Variants in PLEKHA5 observed in about 807,000 individuals in gnomAD.
The protein encoded by PLEKHA5 is pleckstrin homology domain-containing family A member 5.
A neutral mutation model predicts 181.9 loss-of-function variants in PLEKHA5; 55 were observed. That is an observed-to-expected ratio of 0.30 (90% CI 0.24 to 0.38). The LOEUF (loss-of-function observed/expected upper bound fraction) is 0.38. PLEKHA5 is among the 10% of genes least tolerant of loss of function. The probability of loss-of-function intolerance (pLI) is 1.00; values close to 1 mark genes in which losing one functional copy is unlikely to be tolerated. For synonymous variants in PLEKHA5, 535 were observed against 529.4 expected, an observed-to-expected ratio of 1.01 and a Z score of -0.15; for missense variants, 1,432 against 1,549.5, an observed-to-expected ratio of 0.92 and a Z score of 1.27.
rs537117378 is a variant in PLEKHA5 at position 19,309,575 on chromosome 12, G to A, written c.2038-5239G>A. Among the ~76,000 whole-genome samples the A allele has an allele frequency of 3.9e-5, 6 of 152,056 alleles. No individual in the cohort carries two copies. The South Asian group carries it at 1.2e-3, about 32-fold the overall frequency. On this transcript the variant is annotated intron_variant, in intron 15 of 31. Coordinates refer to ENST00000429027, the MANE Select transcript of PLEKHA5 (RefSeq NM_001256470.2). Reference sequence around the variant, plus strand: ...GATCGAGATCAGCCTGGCCAACATGGTGAAACCCCGTCTTTACTAAAAATA... The same window carrying A: ...GATCGAGATCAGCCTGGCCAACATGATGAAACCCCGTCTTTACTAAAAATA...
At chr12:19,209,203 A>T (rs910197831) in intron 3 of PLEKHA5, among the ~76,000 whole-genome samples, 1 of 152,138 alleles carries the variant, frequency 6.6e-6, no homozygotes, top group Non-Finnish European at 1.5e-5. Flanking sequence ...TAAACATCAA[A>T]TTTATGGTAA....
chr12:19,311,392 G>A (rs932395033), intron 15 of PLEKHA5, among the ~76,000 whole-genome samples: 12 of 151,082 alleles, frequency 7.9e-5, no homozygotes, highest in South Asian at 2.1e-4. Context: ...GCAGTGAGCT[G>A]TGATTACTCC....
intron 3 of PLEKHA5, among the ~76,000 whole-genome samples, chr12:19,229,027 G>A (rs2060069159): frequency 6.6e-6 from 1 of 152,160 alleles, no homozygotes; most frequent in Non-Finnish European, 1.5e-5. Flanking sequence ...TACAAATGAA[G>A]TGTAAAAACA....
At chr12:19,346,636 A>G (rs1199398705) in intron 23 of PLEKHA5, among the ~76,000 whole-genome samples, 2 of 152,122 alleles carry the variant, frequency 1.3e-5, no homozygotes, top group African/African-American at 4.8e-5. Flanking sequence ...TACCAAATAA[A>G]TAAATAAGAT....
intron 3 of PLEKHA5, chr12:19,200,207 C>T (rs2053873164): frequency 1.5e-6 from 1 of 683,832 alleles, no homozygotes; most frequent in South Asian, 1.9e-5. Context: ...TTGATCATTA[C>T]ACTTTCCATG....
At chr12:19,369,903 TAGGGATA>T in intron 31 of PLEKHA5, 105 bp downstream of exon 31, 1 of 500,456 alleles carries the variant, frequency 2.0e-6, no homozygotes, top group African/African-American at 2.0e-5. Context: ...GGACTGTACA[TAGGGATA>T]GTTGGCAGAA....
intron 31 of PLEKHA5, among the ~76,000 whole-genome samples, chr12:19,373,967 A>G (rs1417814460): frequency 1.3e-5 from 2 of 152,286 alleles, no homozygotes; most frequent in East Asian, 1.9e-4. Flanking sequence ...GAGCAGTGGC[A>G]TACTGTAATG....
At chr12:19,160,109 T>C (rs1260025111) in intron 3 of PLEKHA5, among the ~76,000 whole-genome samples, 1 of 152,150 alleles carries the variant, frequency 6.6e-6, no homozygotes, top group Non-Finnish European at 1.5e-5. Flanking sequence ...TTTACACTGT[T>C]AAATCTATTT....
intron 3 of PLEKHA5, among the ~76,000 whole-genome samples, chr12:19,195,112 G>T (rs1014424816): frequency 6.6e-5 from 10 of 151,956 alleles, no homozygotes; most frequent in Non-Finnish European, 1.5e-4. Context: ...TTCAGTAAAC[G>T]AAACCTCTGA....
At chr12:19,297,218 G>A (rs1301125654) in intron 15 of PLEKHA5, among the ~76,000 whole-genome samples, 2 of 152,086 alleles carry the variant, frequency 1.3e-5, no homozygotes, top group South Asian at 2.1e-4. Flanking sequence ...TTCTACTGCA[G>A]TAACCAGCCT....
intron 3 of PLEKHA5, among the ~76,000 whole-genome samples, chr12:19,198,839 T>G (rs1185380367): frequency 2.6e-5 from 4 of 152,190 alleles, no homozygotes; most frequent in African/African-American, 9.6e-5. Context: ...GCAGGAATAG[T>G]TATCCCCATT....
At chr12:19,195,769 G>GAT (rs148896450) in intron 3 of PLEKHA5, among the ~76,000 whole-genome samples, 27 of 149,020 alleles carry the variant, frequency 1.8e-4, no homozygotes, top group South Asian at 6.4e-4. Context: ...ATATCTATGA[G>GAT]ATATATATAT....
intron 3 of PLEKHA5, among the ~76,000 whole-genome samples, chr12:19,209,543 A>G (rs1046738506): frequency 9.2e-5 from 14 of 152,222 alleles, no homozygotes; most frequent in Non-Finnish European, 1.8e-4. Context: ...TGTTGCACCC[A>G]GATTAGCTCC....
At chr12:19,233,767 A>G (rs375218634) in intron 3 of PLEKHA5, among the ~76,000 whole-genome samples, 3 of 152,332 alleles carry the variant, frequency 2.0e-5, no homozygotes, top group South Asian at 2.1e-4. Flanking sequence ...GGTGGAGAGT[A>G]CTTTGGAGGC....
chr12:19,347,962 A>T (rs2094421503), intron 24 of PLEKHA5, among the ~76,000 whole-genome samples: 1 of 149,720 alleles, frequency 6.7e-6, no homozygotes, highest in South Asian at 2.1e-4. Flanking sequence ...AGCTCACTGC[A>T]AGCTCCGCCT....
At chr12:19,304,756 CT>C (rs112010862) in intron 15 of PLEKHA5, among the ~76,000 whole-genome samples, 8,940 of 143,380 alleles carry the variant, frequency 0.062, 409 homozygotes, top group East Asian at 0.19. Context: ...GGCCGGGGGG[CT>C]TTTTTTTTTT....
At chr12:19,234,038 A>C (rs915537914) in intron 3 of PLEKHA5, among the ~76,000 whole-genome samples, 1 of 152,250 alleles carries the variant, frequency 6.6e-6, no homozygotes, top group Non-Finnish European at 1.5e-5. Flanking sequence ...GAATTTTACA[A>C]GGAACTTGTG....
intron 8 of PLEKHA5, among the ~76,000 whole-genome samples, chr12:19,268,129 A>G (rs1400889801): frequency 6.6e-6 from 1 of 152,220 alleles, no homozygotes; most frequent in Non-Finnish European, 1.5e-5. Flanking sequence ...CTTTATCAAA[A>G]TAAACTGTAT....
At chr12:19,185,354 G>C (rs1207339499) in intron 3 of PLEKHA5, among the ~76,000 whole-genome samples, 1 of 152,134 alleles carries the variant, frequency 6.6e-6, no homozygotes, top group Non-Finnish European at 1.5e-5. Flanking sequence ...AGCTGGACCA[G>C]TAATACTAGA....
Sources: allele counts gnomAD v4.1 joint callset (sites outside exome capture counted in the v4.1 genomes callset), GRCh38; gene constraint gnomAD v4.1.1; transcripts MANE v1.5; gene names NCBI Gene and HGNC (gene_info 2026-07-23, HGNC 2026-07-21).